The following SLC35F4 variants were observed in gnomAD, a reference collection of about 807,000 sequenced individuals.
The protein encoded by SLC35F4 is solute carrier family 35 member F4.
In SLC35F4, 24 loss-of-function variants were observed where a neutral mutation model predicts 44.2. The ratio of observed to expected loss-of-function variants is 0.54; its 90% confidence interval spans 0.39 to 0.76. The LOEUF (loss-of-function observed/expected upper bound fraction) is 0.76. SLC35F4 is among the 30% of genes least tolerant of loss of function. The pLI is 0.00. For synonymous variants in SLC35F4, 238 were observed against 223.6 expected, an observed-to-expected ratio of 1.06 and a Z score of -0.57; for missense variants, 562 against 586.1, an observed-to-expected ratio of 0.96 and a Z score of 0.42.
intron 1 of SLC35F4, among the ~76,000 whole-genome samples, chr14:57,721,047 ATC>A (rs1167110389): frequency 5.1e-4 from 67 of 130,602 alleles, no homozygotes; most frequent in Middle Eastern, 3.9e-3. Flanking sequence ...ATATATATAT[ATC>A]TCCTATTAGT....
In SLC35F4 at chr14:57,918,750, C is replaced by T. The variant is rs182614452; in HGVS notation, n.282+63163G>A. Among the ~76,000 whole-genome samples the T allele has an allele frequency of 5.6e-3, 845 of 152,206 alleles. 8 individuals are homozygous for T. Among genetic ancestry groups the T allele is most frequent in the Non-Finnish European group, 8.0e-3 (546 of 68,018 alleles). On this transcript the variant is annotated intron_variant and non_coding_transcript_variant, in intron 1 of 1. Coordinates refer to the SLC35F4 transcript ENST00000556568. ...ATAGAACTTGCCAAAGTTCCAGAGG[C>T]GTGACTTAGGTGCTGTGGTAGAAAT...
intron 4 of SLC35F4, among the ~76,000 whole-genome samples, chr14:57,572,334 G>T (rs1023194661): frequency 5.3e-5 from 8 of 151,812 alleles, no homozygotes; most frequent in African/African-American, 1.9e-4. Flanking sequence ...CATTTGTACT[G>T]GTGAAATAAA....
At chr14:57,590,910 G>A (rs558593634) in intron 2 of SLC35F4, among the ~76,000 whole-genome samples, 1 of 152,296 alleles carries the variant, frequency 6.6e-6, no homozygotes, top group South Asian at 2.1e-4. Context: ...CTGCCCCACT[G>A]TGTTAAAAAC....
intron 1 of SLC35F4, chr14:57,630,323 G>C: frequency 1.7e-6 from 1 of 580,020 alleles, no homozygotes; most frequent in South Asian, 1.7e-5. Context: ...ATAGAAGGTC[G>C]TATAGTCCTA....
At chr14:57,577,826 T>C (rs2068908022) in intron 4 of SLC35F4, among the ~76,000 whole-genome samples, 1 of 152,182 alleles carries the variant, frequency 6.6e-6, no homozygotes, top group Non-Finnish European at 1.5e-5. Context: ...AAAATTATCT[T>C]TTAAAGAAGT....
At chr14:57,684,710 T>C (rs2075017949) in intron 1 of SLC35F4, among the ~76,000 whole-genome samples, 1 of 152,202 alleles carries the variant, frequency 6.6e-6, no homozygotes, top group South Asian at 2.1e-4. Flanking sequence ...AACATTAAAA[T>C]GCATCTGTGG....
intron 1 of SLC35F4, among the ~76,000 whole-genome samples, chr14:57,641,766 C>T (rs1566716649): frequency 6.6e-6 from 1 of 151,970 alleles, no homozygotes; most frequent in African/African-American, 2.4e-5. Context: ...ACCTAGAATA[C>T]TTTGTATTAA....
At chr14:57,602,115 TA>T (rs1402844393) in intron 1 of SLC35F4, among the ~76,000 whole-genome samples, 2 of 150,044 alleles carry the variant, frequency 1.3e-5, no homozygotes, top group African/African-American at 4.9e-5. Context: ...GCACAGAAAA[TA>T]AGGATAATTA....
In SLC35F4 at chr14:57,645,791, C is replaced by T. The variant is rs963009701; in HGVS notation, c.104-51667G>A. ...AGATAGCTCCTATTATTTTGAGATACGTCCCATCAGTACCTAATTTATTGA... is the reference window on the plus strand; with the variant it reads ...AGATAGCTCCTATTATTTTGAGATATGTCCCATCAGTACCTAATTTATTGA... On this transcript the variant is annotated intron_variant, in intron 1 of 7. Coordinates refer to ENST00000556826, the MANE Select transcript of SLC35F4 (RefSeq NM_001306087.2). Among the ~76,000 whole-genome samples the T allele has an allele frequency of 2.8e-4, 42 of 151,336 alleles. 1 individual carries two copies. The South Asian group carries it at 6.5e-3, about 23-fold the overall frequency.
intron 2 of SLC35F4, among the ~76,000 whole-genome samples, chr14:57,592,202 G>T (rs1207639022): frequency 1.3e-5 from 2 of 152,210 alleles, no homozygotes; most frequent in African/African-American, 4.8e-5. Context: ...GAGGCCACTG[G>T]AATTTGGAAA....
chr14:57,620,657 G>A lies in SLC35F4; in HGVS notation c.104-26533C>T, dbSNP rs182108546. On this transcript the variant is annotated intron_variant, in intron 1 of 7. Coordinates refer to ENST00000556826, the MANE Select transcript of SLC35F4 (RefSeq NM_001306087.2). ...CCATTCAGTATGGTATTGGCTGTGGGTTTGTCATAGATAGCTCTTATTATT... is the reference window on the plus strand; with the variant it reads ...CCATTCAGTATGGTATTGGCTGTGGATTTGTCATAGATAGCTCTTATTATT... 2.6e-4 allele frequency among the ~76,000 whole-genome samples: 39 copies of A among 152,230 alleles called. No homozygotes were observed. In the East Asian group the frequency reaches 7.2e-3, roughly 28 times the overall value.
At chr14:57,819,445 G>T (rs1184444027) in intron 1 of SLC35F4, among the ~76,000 whole-genome samples, 1 of 151,714 alleles carries the variant, frequency 6.6e-6, no homozygotes, top group Admixed American at 6.6e-5. Flanking sequence ...AATTTGATAA[G>T]TTGATTCCAT....
chr14:57,968,614 C>T (rs1178271173), intron 1 of SLC35F4, among the ~76,000 whole-genome samples: 13 of 152,250 alleles, frequency 8.5e-5, no homozygotes, highest in South Asian at 2.1e-4. Context: ...TTAGCTGGAA[C>T]GAATTAGAAA....
intron 1 of SLC35F4, among the ~76,000 whole-genome samples, chr14:57,603,034 C>T (rs572098813): frequency 3.3e-5 from 5 of 152,332 alleles, no homozygotes; most frequent in South Asian, 2.1e-4. Context: ...TTACTCTTTA[C>T]ACCTCTGTTA....
In SLC35F4 at chr14:57,583,148, G is replaced by A. The variant is rs919913603; in HGVS notation, c.588-1715C>T. On this transcript the variant is annotated intron_variant, in intron 3 of 7. Transcript: ENST00000556826. ...TGTAATGTAAACAGAAATTACACACGCTCACATACACAGGAAAGTGAACAG... is the reference window on the plus strand; with the variant it reads ...TGTAATGTAAACAGAAATTACACACACTCACATACACAGGAAAGTGAACAG... 1.2e-4 allele frequency among the ~76,000 whole-genome samples: 18 copies of A among 152,254 alleles called. No homozygotes were observed. The East Asian group carries it at 2.7e-3, about 23-fold the overall frequency.
At chr14:57,847,694 A>G (rs1471104682) in intron 1 of SLC35F4, among the ~76,000 whole-genome samples, 4 of 152,236 alleles carry the variant, frequency 2.6e-5, no homozygotes, top group Admixed American at 2.0e-4. Context: ...AAACGTATCA[A>G]TGTAACCAAC....
intron 1 of SLC35F4, among the ~76,000 whole-genome samples, chr14:57,830,634 G>A (rs1299607193): frequency 6.6e-6 from 1 of 152,120 alleles, no homozygotes; most frequent in East Asian, 1.9e-4. Flanking sequence ...GAGCCAATAT[G>A]GTTCTGGATG....
intron 1 of SLC35F4, among the ~76,000 whole-genome samples, chr14:57,648,044 G>A (rs556609236): frequency 3.9e-5 from 6 of 152,258 alleles, no homozygotes; most frequent in African/African-American, 7.2e-5. Context: ...GTTCCCAAAT[G>A]TCTTTTTAGT....
intron 1 of SLC35F4, among the ~76,000 whole-genome samples, chr14:57,750,667 G>C (rs947499192): frequency 6.6e-6 from 1 of 152,100 alleles, no homozygotes. Context: ...TTGGCCATTT[G>C]TATGTCTTCT....
Sources: allele counts gnomAD v4.1 joint callset (sites outside exome capture counted in the v4.1 genomes callset), GRCh38; gene constraint gnomAD v4.1.1; transcripts MANE v1.5; gene names NCBI Gene and HGNC (gene_info 2026-07-23, HGNC 2026-07-21).